Variants in SLC36A1 observed in about 807,000 individuals in gnomAD.
The protein encoded by SLC36A1 is proton-coupled amino acid transporter 1.
Under a neutral mutation model 47.5 loss-of-function variants are expected in SLC36A1, and 30 were observed. That is an observed-to-expected ratio of 0.63 (90% CI 0.47 to 0.86). SLC36A1 has a LOEUF of 0.86. Ranked by LOEUF, SLC36A1 falls within the 40% of genes least tolerant of loss-of-function variation. The pLI is 0.00. For missense variants in SLC36A1, 517 were observed against 606.0 expected (o/e 0.85, Z 1.54); for synonymous variants, 255 against 249.7 (o/e 1.02, Z -0.20).
chr5:151,367,156 T>TTAA, the SLC36A1 span, among the ~76,000 whole-genome samples: 1 of 152,146 alleles, frequency 6.6e-6, no homozygotes, highest in Admixed American at 6.5e-5. Flanking sequence ...GTGCACGTAT[T>TTAA]GTCTTGATAA....
chr5:151,377,347 C>CTTTTTTTTTTT, the SLC36A1 span, among the ~76,000 whole-genome samples: 1 of 120,302 alleles, frequency 8.3e-6, no homozygotes, highest in Non-Finnish European at 1.7e-5. Context: ...CTGTCTCTTT[C>CTTTTTTTTTTT]TTTTTTTTTT....
At chr5:151,519,351 AAAACAAAAATCC>A in the SLC36A1 span, among the ~76,000 whole-genome samples, 1 of 152,248 alleles carries the variant, frequency 6.6e-6, no homozygotes, top group East Asian at 1.9e-4. Flanking sequence ...CTCAAAAACA[AAAACAAAAATCC>A]AAACAAGTCC....
chr5:151,437,946 C>G (rs560543973), intron 1 of SLC36A1, among the ~76,000 whole-genome samples: 3 of 152,192 alleles, frequency 2.0e-5, no homozygotes, highest in African/African-American at 7.2e-5. Flanking sequence ...ATGGCGTCTT[C>G]CTCCATCTTT....
chr5:151,387,291 G>T, the SLC36A1 span: 1 of 152,342 alleles, frequency 6.6e-6, no homozygotes, highest in South Asian at 2.1e-4. Context: ...AGGCTCTGGA[G>T]GACCCATGGG....
chr5:151,424,405 C>T, the SLC36A1 span, among the ~76,000 whole-genome samples: 8,365 of 152,042 alleles, frequency 0.055, 756 homozygotes, highest in African/African-American at 0.19. Context: ...GGCAGACAAG[C>T]GAAGCTAAGA....
chr5:151,404,512 C>T, the SLC36A1 span, among the ~76,000 whole-genome samples: 14 of 152,160 alleles, frequency 9.2e-5, no homozygotes, highest in African/African-American at 2.9e-4. Flanking sequence ...GGTCTGTGGG[C>T]GATGTAGTTA....
At chr5:151,527,337 C>T in the SLC36A1 span, 1 of 1,612,398 alleles carries the variant, frequency 6.2e-7, no homozygotes, top group Non-Finnish European at 8.5e-7. Flanking sequence ...TGGAGGCTGC[C>T]CACTGTCTGT....
the SLC36A1 span, among the ~76,000 whole-genome samples, chr5:151,421,172 C>CTT: frequency 0.16 from 22,862 of 139,368 alleles, 2,158 homozygotes; most frequent in East Asian, 0.34. Flanking sequence ...CACGCCCTTT[C>CTT]TCTCCTTCCT....
At chr5:151,347,457 A>G in the SLC36A1 span, 1 of 1,613,930 alleles carries the variant, frequency 6.2e-7, no homozygotes, top group Non-Finnish European at 8.5e-7. Context: ...TTTGTCACAG[A>G]CATGACTGCT....
chr5:151,404,644 T>C, the SLC36A1 span, among the ~76,000 whole-genome samples: 1 of 152,194 alleles, frequency 6.6e-6, no homozygotes, highest in South Asian at 2.1e-4. Flanking sequence ...TTCTAGAAAA[T>C]ATTTTCTTTC....
the SLC36A1 span, among the ~76,000 whole-genome samples, chr5:151,416,605 A>G: frequency 6.6e-6 from 1 of 152,168 alleles, no homozygotes; most frequent in Non-Finnish European, 1.5e-5. Context: ...GACTAAAAAA[A>G]AAGAAGAGCT....
chr5:151,493,360 G>A (rs1760245974), downstream of SLC36A1, among the ~76,000 whole-genome samples: 1 of 152,094 alleles, frequency 6.6e-6, no homozygotes, highest in Non-Finnish European at 1.5e-5. Context: ...CCCACAGGAC[G>A]AGGGCTCAGT....
intron 2 of SLC36A1, among the ~76,000 whole-genome samples, chr5:151,460,724 G>A (rs1755385422): frequency 6.6e-6 from 1 of 151,668 alleles, no homozygotes; most frequent in Non-Finnish European, 1.5e-5. Context: ...AGGTTGATTT[G>A]GAGGACCTTC....
the SLC36A1 span, among the ~76,000 whole-genome samples, chr5:151,518,672 A>C: frequency 6.6e-6 from 1 of 152,210 alleles, no homozygotes; most frequent in Non-Finnish European, 1.5e-5. Context: ...AAACTTTTGT[A>C]AAGTCTGGCA....
chr5:151,498,101 C>T, the SLC36A1 span, among the ~76,000 whole-genome samples: 612 of 152,160 alleles, frequency 4.0e-3, 4 homozygotes, highest in African/African-American at 0.014. Context: ...CCTGCCACCA[C>T]GCCCGACTAA....
chr5:151,364,213 CCTAG>C, the SLC36A1 span, among the ~76,000 whole-genome samples: 4 of 152,046 alleles, frequency 2.6e-5, no homozygotes, highest in Non-Finnish European at 5.9e-5. Flanking sequence ...TCATGACCTA[CCTAG>C]CTTTTCTTAA....
chr5:151,475,959 T>G (rs1465971281), intron 8 of SLC36A1, among the ~76,000 whole-genome samples: 1 of 152,264 alleles, frequency 6.6e-6, no homozygotes, highest in Non-Finnish European at 1.5e-5. Flanking sequence ...TTACCAAAGT[T>G]AAAGAATGTC....
At chr5:151,380,265 A>G in the SLC36A1 span, 7 of 238,016 alleles carry the variant, frequency 2.9e-5, no homozygotes, top group Admixed American at 3.4e-4. Flanking sequence ...CGGGCGGATC[A>G]CCTGAGGTCC....
chr5:151,366,464 TC>T, the SLC36A1 span: 1 of 273,002 alleles, frequency 3.7e-6, no homozygotes. Flanking sequence ...GCCTAGAAGG[TC>T]CCCACCAAAA....
Sources: gnomAD v4.1 joint callset for allele counts (sites outside exome capture counted in the v4.1 genomes callset) on GRCh38, gnomAD v4.1.1 for gene constraint, MANE v1.5 for transcripts, NCBI Gene and HGNC (gene_info 2026-07-23, HGNC 2026-07-21) for gene names.